TPD52L1: variants seen among roughly 807,000 people sequenced by gnomAD.
TPD52L1 encodes the protein TPD52 like 1.
TPD52L1 carries 18 observed loss-of-function variants against 28.7 expected under a neutral mutation model. The ratio of observed to expected loss-of-function variants is 0.63; its 90% CI spans 0.43 to 0.93. TPD52L1 has a LOEUF of 0.93. Ranked by LOEUF, TPD52L1 falls within the 40% of genes least tolerant of loss-of-function variation. The probability of loss-of-function intolerance (pLI) is 0.00; values close to 1 mark genes in which losing one functional copy is unlikely to be tolerated. For synonymous variants in TPD52L1, 75 were observed against 88.8 expected, an observed-to-expected ratio of 0.84 and a Z score of 0.88; for missense variants, 203 against 254.8, an observed-to-expected ratio of 0.80 and a Z score of 1.39.
intron 2 of TPD52L1, among the ~76,000 whole-genome samples, chr6:125,224,869 T>C (rs1234046170): frequency 3.3e-5 from 5 of 152,236 alleles, no homozygotes; most frequent in African/African-American, 1.2e-4. Context: ...TGCATTTTTC[T>C]TTAGATAAAT....
intron 1 of TPD52L1, among the ~76,000 whole-genome samples, chr6:125,189,895 ATAACT>A (rs1432782999): frequency 5.3e-5 from 8 of 152,242 alleles, no homozygotes; most frequent in African/African-American, 1.9e-4. Flanking sequence ...AATAGCAATA[ATAACT>A]TAGGTTTGAC....
intron 3 of TPD52L1, among the ~76,000 whole-genome samples, chr6:125,247,244 TC>T (rs1385726188): frequency 6.6e-6 from 1 of 152,122 alleles, no homozygotes; most frequent in East Asian, 1.9e-4. Flanking sequence ...GCAGCATAAA[TC>T]AGAAGAAGAC....
At chr6:125,186,362 A>C (rs1562243342) in intron 1 of TPD52L1, among the ~76,000 whole-genome samples, 1 of 152,216 alleles carries the variant, frequency 6.6e-6, no homozygotes, top group East Asian at 1.9e-4. Context: ...ACTGTGATCC[A>C]ACAAACTTTA....
intron 1 of TPD52L1, among the ~76,000 whole-genome samples, chr6:125,155,473 C>T (rs1355955117): frequency 6.6e-6 from 1 of 152,208 alleles, no homozygotes; most frequent in Non-Finnish European, 1.5e-5. Flanking sequence ...CTGGTAACCA[C>T]TGGTGTCACT....
chr6:125,182,569 GGCCTT>G (rs1278260208), intron 1 of TPD52L1, among the ~76,000 whole-genome samples: 2 of 152,072 alleles, frequency 1.3e-5, no homozygotes, highest in Admixed American at 1.3e-4. Flanking sequence ...TTCTTAAAGT[GGCCTT>G]TGCTTCTGGA....
chr6:125,164,564 C>T (rs1431390074), intron 1 of TPD52L1, among the ~76,000 whole-genome samples: 4 of 152,126 alleles, frequency 2.6e-5, no homozygotes, highest in Non-Finnish European at 5.9e-5. Flanking sequence ...AAAGTAGAAT[C>T]TGTATTCTTT....
intron 3 of TPD52L1, among the ~76,000 whole-genome samples, chr6:125,230,772 T>C (rs1038107229): frequency 6.6e-6 from 1 of 152,154 alleles, no homozygotes; most frequent in Admixed American, 6.5e-5. Flanking sequence ...GCTCTATGCT[T>C]GTGCACCCTA....
chr6:125,214,351 C>G (rs562628817), intron 1 of TPD52L1: 13 of 569,196 alleles, frequency 2.3e-5, no homozygotes, highest in Non-Finnish European at 2.9e-5. Flanking sequence ...TGGGCCAATG[C>G]CCAGAGAGAA....
At chr6:125,188,650 G>C (rs1165394036) in intron 1 of TPD52L1, among the ~76,000 whole-genome samples, 1 of 152,044 alleles carries the variant, frequency 6.6e-6, no homozygotes. Context: ...CTCTCTTCTA[G>C]TCTACTTTAT....
chr6:125,201,572 A>T (rs951686020), intron 1 of TPD52L1, among the ~76,000 whole-genome samples: 1 of 152,234 alleles, frequency 6.6e-6, no homozygotes, highest in African/African-American at 2.4e-5. Context: ...GTCACAGTGC[A>T]AAAGCCAACA....
intron 1 of TPD52L1, among the ~76,000 whole-genome samples, chr6:125,172,157 T>TTTCTTTCTTTTCTTTCTTTCTTTC (rs1554202455): frequency 1.9e-5 from 1 of 54,010 alleles, no homozygotes; most frequent in Non-Finnish European, 3.4e-5. Context: ...TCTTTCTTTC[T>TTTCTTTCTTTTCTTTCTTTCTTTC]TTTCTTTCTT....
intron 2 of TPD52L1, among the ~76,000 whole-genome samples, chr6:125,223,507 G>A (rs1441950789): frequency 1.3e-5 from 2 of 151,984 alleles, no homozygotes; most frequent in South Asian, 2.1e-4. Flanking sequence ...TCAGGAGTTC[G>A]AGACCAGCCT....
intron 6 of TPD52L1, chr6:125,262,603 A>G: frequency 2.2e-6 from 1 of 461,752 alleles, no homozygotes. Context: ...AGATAAAGAG[A>G]GGGTTGCTAA....
intron 1 of TPD52L1, among the ~76,000 whole-genome samples, chr6:125,208,189 A>G (rs991575861): frequency 1.3e-5 from 2 of 152,202 alleles, no homozygotes; most frequent in African/African-American, 4.8e-5. Context: ...CTTGGTTGCA[A>G]TTGAAGTTCT....
intron 3 of TPD52L1, among the ~76,000 whole-genome samples, chr6:125,235,479 G>A: frequency 6.6e-6 from 1 of 152,110 alleles, no homozygotes; most frequent in East Asian, 1.9e-4. Flanking sequence ...TTTGTGTTGG[G>A]CTGCTTTCAA....
rs199991940 is a variant in TPD52L1 at position 125,249,649 on chromosome 6, G to A, written c.386+1266G>A. On this transcript the variant is annotated intron_variant, in intron 4 of 6. Coordinates refer to ENST00000534000, the MANE Select transcript of TPD52L1 (RefSeq NM_003287.4). ...AGAGGTTGCAGTGAGCCCAGATCAC[G>A]CCACTGCACTCCAGCCTAGGCAATA... Among the ~76,000 whole-genome samples the A allele has an allele frequency of 1.4e-4, 19 of 138,664 alleles. No individual in the cohort carries two copies. The East Asian group carries it at 3.6e-3, about 27-fold the overall frequency. 91.0% of individuals were successfully genotyped at this position (138,664 alleles called of 152,430 possible). A position where few individuals can be genotyped will look rare whatever the true frequency, so the allele number is the denominator to read the frequency against.
In TPD52L1 at chr6:125,248,363, C is replaced by A; in HGVS notation, c.366C>A (p.Ser122Arg). 1 of 1,614,090 alleles carries A rather than the reference C, an allele frequency of 6.2e-7. No homozygotes were observed. The highest frequency in any genetic ancestry group is 8.5e-7 in the Non-Finnish European group (1 of 1,179,966). ...AAFSNVGTAI[S>R]KKFGDMSYSI... ...TCAGCAACGTTGGAACGGCCATCAG[C>A]AAGAAGTTCGGAGACATGAGGTACT... is the stretch of plus-strand genomic sequence containing the variant. The change falls in exon 4 of 7, where the codon AGC (serine) becomes AGA (arginine). Residue 122 changes from serine to arginine, a missense_variant. Coordinates refer to ENST00000534000, the MANE Select transcript of TPD52L1 (RefSeq NM_003287.4).
intron 6 of TPD52L1, chr6:125,260,924 GA>G (rs1364945044): frequency 1.6e-4 from 3 of 19,062 alleles, no homozygotes; most frequent in African/African-American, 1.8e-3. Context: ...AAAGAAAGAA[GA>G]AAGAAAGAAA....
intron 1 of TPD52L1, among the ~76,000 whole-genome samples, chr6:125,168,393 G>A (rs1399349541): frequency 6.6e-6 from 1 of 151,966 alleles, no homozygotes; most frequent in Admixed American, 6.6e-5. Flanking sequence ...TCTTCTCTGA[G>A]TACCCTCACC....
Sources: gnomAD v4.1 joint callset for allele counts (sites outside exome capture counted in the v4.1 genomes callset) on GRCh38, gnomAD v4.1.1 for gene constraint, MANE v1.5 for transcripts, NCBI Gene and HGNC (gene_info 2026-07-23, HGNC 2026-07-21) for gene names.